SLC24A2: variants seen among roughly 807,000 people sequenced by gnomAD.
SLC24A2 encodes sodium/potassium/calcium exchanger 2.
SLC24A2 carries 36 observed loss-of-function variants against 62.0 expected under a neutral mutation model. That is an observed-to-expected ratio of 0.58 (90% CI 0.44 to 0.77). The LOEUF (loss-of-function observed/expected upper bound fraction) is 0.77, where lower values mean the gene tolerates loss of function less well. SLC24A2 is among the 30% of genes least tolerant of loss of function. The probability of loss-of-function intolerance (pLI) is 0.00; values close to 1 mark genes in which losing one functional copy is unlikely to be tolerated. For synonymous variants in SLC24A2, 358 were observed against 294.0 expected, an observed-to-expected ratio of 1.22 and a Z score of -2.23; for missense variants, 846 against 817.9, an observed-to-expected ratio of 1.03 and a Z score of -0.42.
At chr9:20,080,670 T>G in the SLC24A2 span, among the ~76,000 whole-genome samples, 1 of 152,152 alleles carries the variant, frequency 6.6e-6, no homozygotes, top group Non-Finnish European at 1.5e-5. Flanking sequence ...CAAAAGAAAC[T>G]ACCATCAGAG....
the SLC24A2 span, among the ~76,000 whole-genome samples, chr9:19,985,049 G>C: frequency 6.6e-6 from 1 of 151,136 alleles, no homozygotes; most frequent in Admixed American, 6.6e-5. Flanking sequence ...CACACCACTA[G>C]GATAGTTCAA....
the SLC24A2 span, among the ~76,000 whole-genome samples, chr9:20,168,164 C>T: frequency 6.6e-6 from 1 of 151,674 alleles, no homozygotes; most frequent in Non-Finnish European, 1.5e-5. Flanking sequence ...TCTATCAGAC[C>T]TAGATAGATA....
At chr9:20,251,252 C>G in the SLC24A2 span, among the ~76,000 whole-genome samples, 1 of 152,208 alleles carries the variant, frequency 6.6e-6, no homozygotes, top group Non-Finnish European at 1.5e-5. Context: ...GGTGTTTCCT[C>G]TCAGCAAGGT....
intron 2 of SLC24A2, among the ~76,000 whole-genome samples, chr9:19,703,113 G>T (rs761773466): frequency 7.9e-5 from 12 of 152,020 alleles, no homozygotes; most frequent in Non-Finnish European, 1.6e-4. Context: ...AAGAGAGAGA[G>T]AGATACTCGC....
Position 19,513,188 on chromosome 9 carries a change from A to ATG in SLC24A2, c.*2964_*2965insCA, listed in dbSNP as rs1554665765. 3.6e-5 allele frequency: 5 copies of ATG among 140,428 alleles called. No individual in the cohort carries two copies. Among genetic ancestry groups the ATG allele is most frequent in the South Asian group, 2.2e-4 (1 of 4,544 alleles). 8.7% of individuals were successfully genotyped at this position (140,428 alleles called of 1,614,324 possible). The stretch of plus-strand genomic sequence containing the variant: ...TATATATATATATGTATATATATAT[A>ATG]TATGTATATATTTATATATGTATAT... On this transcript the variant is annotated 3_prime_UTR_variant, in exon 11 of 11. Transcript: ENST00000341998.
the SLC24A2 span, among the ~76,000 whole-genome samples, chr9:20,041,046 C>T: frequency 1.3e-5 from 2 of 152,188 alleles, no homozygotes; most frequent in Non-Finnish European, 2.9e-5. Flanking sequence ...TTTTTTAGGA[C>T]ATCGACTTTC....
chr9:19,977,442 T>G, the SLC24A2 span, among the ~76,000 whole-genome samples: 1 of 152,038 alleles, frequency 6.6e-6, no homozygotes, highest in South Asian at 2.1e-4. Flanking sequence ...AGATAGCTGA[T>G]TGATGATGGT....
chr9:19,842,836 G>T, the SLC24A2 span, among the ~76,000 whole-genome samples: 4 of 152,132 alleles, frequency 2.6e-5, no homozygotes, highest in African/African-American at 9.7e-5. Context: ...ACACAGCTCA[G>T]ATCACTAAGC....
the SLC24A2 span, among the ~76,000 whole-genome samples, chr9:20,105,032 G>A: frequency 6.6e-6 from 1 of 152,034 alleles, no homozygotes; most frequent in African/African-American, 2.4e-5. Flanking sequence ...AACAAAAAAA[G>A]GTAGGGGTTG....
At chr9:20,233,663 G>A in the SLC24A2 span, among the ~76,000 whole-genome samples, 1 of 152,152 alleles carries the variant, frequency 6.6e-6, no homozygotes, top group African/African-American at 2.4e-5. Flanking sequence ...ACACTGACGG[G>A]TCTTGAATCT....
rs141334548 is a variant in SLC24A2 at position 19,740,195 on chromosome 9, C to T, written c.930+45742G>A. 5.4e-3 allele frequency among the ~76,000 whole-genome samples: 829 copies of T among 152,234 alleles called. 10 individuals carry two copies. Among genetic ancestry groups the T allele is most frequent in the South Asian group, 0.031 (150 of 4,822 alleles). ...AGTATTTAATAAAGTTGAATATATA[C>T]GTATCCTAAGACCCAGCAATTCCAT... On this transcript the variant is annotated intron_variant, in intron 2 of 10. Transcript: ENST00000341998.
intron 2 of SLC24A2, among the ~76,000 whole-genome samples, chr9:19,721,788 A>C (rs530330542): frequency 1.3e-5 from 2 of 152,240 alleles, no homozygotes; most frequent in South Asian, 2.1e-4. Flanking sequence ...CATCCTATTT[A>C]ATCTTTGCCA....
chr9:19,666,445 GTTT>G (rs1288025515), intron 2 of SLC24A2, among the ~76,000 whole-genome samples: 2 of 152,132 alleles, frequency 1.3e-5, no homozygotes, highest in Admixed American at 1.3e-4. Flanking sequence ...AGAGGATCTT[GTTT>G]TTATTTCCTC....
the SLC24A2 span, among the ~76,000 whole-genome samples, chr9:19,903,752 A>G: frequency 6.6e-6 from 1 of 152,176 alleles, no homozygotes; most frequent in Middle Eastern, 3.2e-3. Context: ...GGAGTCCTAC[A>G]CGAGACCTCT....
chr9:19,521,299 G>A (rs1563928886), intron 9 of SLC24A2, among the ~76,000 whole-genome samples: 2 of 152,182 alleles, frequency 1.3e-5, no homozygotes, highest in South Asian at 2.1e-4. Flanking sequence ...TCAAAAAAGA[G>A]CTCTAGAGGG....
At chr9:20,065,422 G>A in the SLC24A2 span, among the ~76,000 whole-genome samples, 1 of 152,172 alleles carries the variant, frequency 6.6e-6, no homozygotes, top group Non-Finnish European at 1.5e-5. Flanking sequence ...TCCTGTAAAT[G>A]CCTGTGGATT....
chr9:19,933,289 C>G, the SLC24A2 span, among the ~76,000 whole-genome samples: 1 of 152,198 alleles, frequency 6.6e-6, no homozygotes, highest in African/African-American at 2.4e-5. Flanking sequence ...TCAAACAATT[C>G]TATATACAAC....
the SLC24A2 span, among the ~76,000 whole-genome samples, chr9:19,801,133 T>A: frequency 6.6e-6 from 1 of 152,250 alleles, no homozygotes; most frequent in African/African-American, 2.4e-5. Context: ...GCAAGCCTCG[T>A]GTTCTCTGAC....
the SLC24A2 span, among the ~76,000 whole-genome samples, chr9:20,192,811 C>A: frequency 3.6e-4 from 55 of 152,268 alleles, no homozygotes; most frequent in African/African-American, 1.3e-3. Flanking sequence ...TTGAGAACCA[C>A]TGCACTGCAA....
Sources: allele counts gnomAD v4.1 joint callset (sites outside exome capture counted in the v4.1 genomes callset), GRCh38; gene constraint gnomAD v4.1.1; transcripts MANE v1.5; gene names NCBI Gene and HGNC (gene_info 2026-07-23, HGNC 2026-07-21).